Variants in PDHA1 observed in about 807,000 individuals in gnomAD.
The protein encoded by PDHA1 is pyruvate dehydrogenase E1 component subunit alpha, somatic form, mitochondrial.
PDHA1 carries 1 observed loss-of-function variant against 33.0 expected under a neutral mutation model. The ratio of observed to expected loss-of-function variants is 0.03; its 90% CI spans 0.01 to 0.14. The LOEUF is 0.14. PDHA1 is among the 10% of genes least tolerant of loss of function. The pLI is 1.00. For missense variants in PDHA1, 168 were observed against 325.1 expected, an observed-to-expected ratio of 0.52 and a Z score of 3.72; for synonymous variants, 123 against 119.2, an observed-to-expected ratio of 1.03 and a Z score of -0.21.
At chrX:19,355,587 A>G in intron 7 of PDHA1, 83 bp downstream of exon 7, 2 of 1,154,515 alleles carry the variant, frequency 1.7e-6, no homozygotes, top group Admixed American at 2.2e-5. Flanking sequence ...TCTTAGAAAC[A>G]TTGGAGAGTT....
chrX:19,349,241 GATT>G, intron 1 of PDHA1, 68 bp from the exon 2 acceptor site: 1 of 705,763 alleles, frequency 1.4e-6, no homozygotes, highest in Non-Finnish European at 2.3e-6. Flanking sequence ...TCTGATAACT[GATT>G]ATTATACTTT....
At chrX:19,350,711 G>A (rs1487453215) in intron 3 of PDHA1, among the ~76,000 whole-genome samples, 3 of 112,394 alleles carry the variant, frequency 2.7e-5, no homozygotes, top group Non-Finnish European at 5.6e-5. Flanking sequence ...CACTATGATC[G>A]CCTGTACTGT....
chrX:19,360,887 TA>T lies in PDHA1; in HGVS notation c.*1238del. On this transcript the variant is annotated 3_prime_UTR_variant, in exon 11 of 11. Coordinates refer to ENST00000422285, the MANE Select transcript of PDHA1 (RefSeq NM_000284.4). ...GTCAGTGCTTCAAGCCAACAGAGCT[TA>T]AAACTGCAGTCCCTAATTTAAAAAC... 1 of 903,062 alleles carries T rather than the reference TA, an allele frequency of 1.1e-6. No homozygotes were observed. Among genetic ancestry groups the T allele is most frequent in the Non-Finnish European group, 1.6e-6 (1 of 636,303 alleles). The allele number at this position is 903,062 out of a possible 1,213,427, so 74.4% of individuals were successfully genotyped here.
chrX:19,352,774 T>C, intron 4 of PDHA1: 1 of 355,681 alleles, frequency 2.8e-6, no homozygotes, highest in East Asian at 5.4e-5. Flanking sequence ...AGTGTACTAG[T>C]ATAGGAGAGG....
intron 8 of PDHA1, chrX:19,357,378 G>A: frequency 2.8e-6 from 1 of 358,738 alleles, no homozygotes; most frequent in Non-Finnish European, 4.9e-6. Context: ...TTACAGGCAT[G>A]AGCCACCATG....
rs2063188579 is a variant in PDHA1 at position 19,355,330 on chromosome X, T to G, written c.604-19T>G. 2 of 1,210,238 alleles carry G rather than the reference T, an allele frequency of 1.7e-6. No individual in the cohort carries two copies. Among genetic ancestry groups the G allele is most frequent in the African/African-American group, 3.5e-5 (2 of 57,838 alleles). On this transcript the variant is annotated intron_variant, in intron 6 of 10. Coordinates refer to ENST00000422285, the MANE Select transcript of PDHA1 (RefSeq NM_000284.4). ...GGAGAAAGAAGCCAAATGAAACCCC[T>G]TTTCGTAACTACTTCCAGGGCCAGA...
chrX:19,355,396 T>G lies in PDHA1; in HGVS notation c.651T>G (p.Pro217=). ...AYNMAALWKL[P]CIFICENNRY... ...ACATGGCAGCTTTGTGGAAATTACCTTGTATTTTCATCTGTGAGAATAATC... is the reference window on the plus strand; with the variant it reads ...ACATGGCAGCTTTGTGGAAATTACCGTGTATTTTCATCTGTGAGAATAATC... Residue 217 remains proline (P), a synonymous_variant, in exon 7 of 11, where the codon CCT becomes CCG. Coordinates refer to ENST00000422285, the MANE Select transcript of PDHA1 (RefSeq NM_000284.4). 2 of 1,210,378 alleles carry G rather than the reference T, an allele frequency of 1.7e-6. No homozygotes were observed. Among genetic ancestry groups the G allele is most frequent in the Non-Finnish European group, 2.2e-6 (2 of 893,956 alleles).
Position 19,349,380 on chromosome X carries a change from T to G in PDHA1, c.117+9T>G, listed in dbSNP as rs763924525. The G allele has an allele frequency of 2.8e-6, 3 of 1,058,398 alleles. No individual in the cohort carries two copies. The South Asian group carries it at 5.6e-5, about 20-fold the overall frequency. The allele number at this position is 1,058,398 out of a possible 1,213,427, so 87.2% of individuals were successfully genotyped here. A position where few individuals can be genotyped will look rare whatever the true frequency, so the allele number is the denominator to read the frequency against. ...CTACATTTGAAATTAAGGTAAGAGG[T>G]GTTTTACTTTGTTAATAATTTTTTC... On this transcript the variant is annotated intron_variant, in intron 2 of 10. Transcript: ENST00000422285.
At chrX:19,359,459 A>C in intron 10 of PDHA1, 30 bp from the exon 11 acceptor site, 3 of 1,184,554 alleles carry the variant, frequency 2.5e-6, no homozygotes, top group South Asian at 3.6e-5. Flanking sequence ...GTTCATTCTA[A>C]AACCTTTTAC....
chrX:19,350,946 A>T (rs1422440636), intron 3 of PDHA1, among the ~76,000 whole-genome samples: 1 of 111,829 alleles, frequency 8.9e-6, no homozygotes, highest in Non-Finnish European at 1.9e-5. Flanking sequence ...CCATGTGGAA[A>T]TCAGGGGTAA....
Position 19,355,465 on chromosome X carries a change from T to C in PDHA1, c.720T>C (p.Thr240=). The C allele has an allele frequency of 8.2e-7, 1 of 1,212,331 alleles. No individual in the cohort carries two copies. Among genetic ancestry groups the C allele is most frequent in the Non-Finnish European group, 1.1e-6 (1 of 895,535 alleles). Residue 240 remains threonine, a synonymous_variant, in exon 7 of 11, where the codon ACT becomes ACC. Transcript: ENST00000422285. The part of the protein sequence containing the change: ...GTSVERAAAS[T]DYYKRGDFIP... Reference sequence around the variant, plus strand: ...CTGTTGAGAGAGCGGCAGCCAGCACTGATTACTACAAGAGAGGCGATTTCA... The same window carrying C: ...CTGTTGAGAGAGCGGCAGCCAGCACCGATTACTACAAGAGAGGCGATTTCA...
At chrX:19,353,312 A>G in intron 5 of PDHA1, 139 bp downstream of exon 5, 1 of 545,214 alleles carries the variant, frequency 1.8e-6, no homozygotes, top group Admixed American at 2.7e-5. Flanking sequence ...AATGTCGCAT[A>G]TATGATGTTG....
rs906163697 is a variant in PDHA1, at chrX:19,361,705, G to A, written c.*2052G>A. 33 of 525,724 alleles carry A rather than the reference G, an allele frequency of 6.3e-5. No individual in the cohort carries two copies. The highest frequency in any genetic ancestry group is 3.8e-4 in the Admixed American group (11 of 28,979). 43.3% of individuals were successfully genotyped at this position (525,724 alleles called of 1,213,427 possible). ...TGTAAATGTGATGTGAAAAAGAGAT[G>A]AATTAACCCTGTATCACTGAACCAC... is the stretch of plus-strand genomic sequence containing the variant. On this transcript the variant is annotated 3_prime_UTR_variant, in exon 11 of 11. Coordinates refer to ENST00000422285, the MANE Select transcript of PDHA1 (RefSeq NM_000284.4).
chrX:19,357,392 G>A, intron 8 of PDHA1: 1 of 379,902 alleles, frequency 2.6e-6, no homozygotes, highest in Non-Finnish European at 4.7e-6. Flanking sequence ...CACCATGCCT[G>A]GCCTTCAAAG....
chrX:19,352,128 G>A (rs749205319), intron 4 of PDHA1, among the ~76,000 whole-genome samples: 1 of 109,721 alleles, frequency 9.1e-6, no homozygotes, highest in East Asian at 2.9e-4. Flanking sequence ...ACAGAGTCTC[G>A]CTTTGTTGCC....
At chrX:19,350,883 A>G (rs1169133589) in intron 3 of PDHA1, among the ~76,000 whole-genome samples, 1 of 111,745 alleles carries the variant, frequency 8.9e-6, no homozygotes, top group Non-Finnish European at 1.9e-5. Flanking sequence ...CTGAACTGGC[A>G]CCAGCATGCC....
intron 8 of PDHA1, among the ~76,000 whole-genome samples, chrX:19,356,812 C>G (rs2063203585): frequency 1.1e-5 from 1 of 88,775 alleles, no homozygotes; most frequent in Non-Finnish European, 1.9e-5. Context: ...CACAGCTACT[C>G]TGTCTTGGAG....
At chrX:19,348,505 A>G (rs1166932412) in intron 1 of PDHA1, among the ~76,000 whole-genome samples, 1 of 112,941 alleles carries the variant, frequency 8.9e-6, no homozygotes. Flanking sequence ...TTTATCTCAT[A>G]CTTCAATCAA....
chrX:19,355,342 C>A lies in PDHA1; in HGVS notation c.604-7C>A. 8.3e-7 allele frequency: 1 copy of A among 1,211,303 alleles called. No homozygotes were observed. The highest frequency in any genetic ancestry group is 1.1e-6 in the Non-Finnish European group (1 of 894,806). ...CAAATGAAACCCCTTTTCGTAACTA[C>A]TTCCAGGGCCAGATATTCGAAGCTT... On this transcript the variant is annotated splice_region_variant and splice_polypyrimidine_tract_variant and intron_variant, in intron 6 of 10. Transcript: ENST00000422285.
Sources: gnomAD v4.1 joint callset for allele counts (sites outside exome capture counted in the v4.1 genomes callset) on GRCh38, gnomAD v4.1.1 for gene constraint, MANE v1.5 for transcripts, NCBI Gene and HGNC (gene_info 2026-07-23, HGNC 2026-07-21) for gene names.